The following RPS6KA2 variants were observed in gnomAD, a reference collection of about 807,000 sequenced individuals.
RPS6KA2 encodes ribosomal protein S6 kinase alpha-2.
RPS6KA2 carries 42 observed loss-of-function variants against 91.8 expected under a neutral mutation model. The observed-to-expected ratio is 0.46, with a 90% CI of 0.36 to 0.59. The LOEUF is 0.59. RPS6KA2 is among the 20% of genes least tolerant of loss of function. The pLI, the probability that RPS6KA2 is intolerant of heterozygous loss-of-function variation, is 0.00. For missense variants in RPS6KA2, 798 were observed against 978.5 expected (o/e 0.82, Z 2.46); for synonymous variants, 414 against 393.6 (o/e 1.05, Z -0.61).
intron 10 of RPS6KA2, among the ~76,000 whole-genome samples, chr6:166,481,275 T>C (rs1454054449): frequency 1.3e-5 from 2 of 152,390 alleles, no homozygotes; most frequent in Admixed American, 6.5e-5. Context: ...CAATTTTTAA[T>C]TAAGACTGAG....
rs1040161594 is a variant in RPS6KA2 at position 166,849,729 on chromosome 6, G to A, written c.123+8471C>T. ...GCGTCCTATGCATACTCAGTCCCAT[G>A]TGCCTGGCGCAGTGTGTGGCCTGAG... is the stretch of plus-strand genomic sequence containing the variant. On this transcript the variant is annotated intron_variant, in intron 2 of 21. Coordinates refer to the RPS6KA2 transcript ENST00000503859. The surrounding 1 kb of genome is among the most constrained non-coding windows in gnomAD (Gnocchi z 4.9). Among the ~76,000 whole-genome samples the A allele has an allele frequency of 4.6e-5, 7 of 152,246 alleles. No individual in the cohort carries two copies. The highest frequency in any genetic ancestry group is 1.0e-4 in the Non-Finnish European group (7 of 68,040).
chr6:166,502,632 G>T (rs547795868), intron 6 of RPS6KA2, among the ~76,000 whole-genome samples: 1 of 152,178 alleles, frequency 6.6e-6, no homozygotes, highest in Non-Finnish European at 1.5e-5. Flanking sequence ...ACGGCACTCC[G>T]ACTTGGAGGG....
chr6:166,719,450 G>A (rs1325122060), intron 2 of RPS6KA2, among the ~76,000 whole-genome samples: 1 of 152,194 alleles, frequency 6.6e-6, no homozygotes, highest in South Asian at 2.1e-4. Context: ...ATATCAATGA[G>A]AGCTTTAAAT....
chr6:166,693,880 T>C (rs975866886), intron 2 of RPS6KA2, among the ~76,000 whole-genome samples: 1 of 152,232 alleles, frequency 6.6e-6, no homozygotes, highest in African/African-American at 2.4e-5. Flanking sequence ...AGGTTACTCC[T>C]GTGGTTTGCT....
chr6:166,672,100 T>C (rs1788488520), intron 2 of RPS6KA2, among the ~76,000 whole-genome samples: 1 of 152,164 alleles, frequency 6.6e-6, no homozygotes, highest in Non-Finnish European at 1.5e-5. Context: ...GTGTGTATAT[T>C]CTAAAGTCTA....
chr6:166,682,683 C>T (rs1031251514), intron 2 of RPS6KA2, among the ~76,000 whole-genome samples: 3 of 152,174 alleles, frequency 2.0e-5, no homozygotes, highest in Non-Finnish European at 4.4e-5. Context: ...ACAAAGAAAG[C>T]AAGGATTGCT....
chr6:166,680,459 G>A (rs1247907753), intron 2 of RPS6KA2, among the ~76,000 whole-genome samples: 1 of 152,158 alleles, frequency 6.6e-6, no homozygotes, highest in Non-Finnish European at 1.5e-5. Context: ...CTTCCACGTT[G>A]TGGAAGGTTT....
At chr6:166,637,119 T>C (rs1342070271) in intron 2 of RPS6KA2, among the ~76,000 whole-genome samples, 3 of 152,128 alleles carry the variant, frequency 2.0e-5, no homozygotes, top group South Asian at 4.1e-4. Flanking sequence ...GTGGGGCCCC[T>C]TGGGGAGTGC....
Position 166,849,490 on chromosome 6 carries a change from AAAG to A in RPS6KA2, c.123+8707_123+8709del, listed in dbSNP as rs906095689. 2.0e-5 allele frequency among the ~76,000 whole-genome samples: 3 copies of A among 152,196 alleles called. No individual in the cohort carries two copies. The highest frequency in any genetic ancestry group is 4.4e-5 in the Non-Finnish European group (3 of 68,038). ...CTCCCCAGACTTTGCCCGAAGAATA[AAAG>A]AAGAAGGGAGGGTGAGGTGGGGGCG... On this transcript the variant is annotated intron_variant, in intron 2 of 21. Coordinates refer to the RPS6KA2 transcript ENST00000503859. This position sits in a 1 kb window ranked among gnomAD's most constrained non-coding sequence, Gnocchi z 4.9.
rs1787338299 is a variant in RPS6KA2, at chr6:166,639,025, C to G, written c.124-100241G>C. Among the ~76,000 whole-genome samples the G allele has an allele frequency of 6.6e-6, 1 of 152,192 alleles. No individual in the cohort carries two copies. The highest frequency in any genetic ancestry group is 1.5e-5 in the Non-Finnish European group (1 of 68,042). ...AACCCTGTTCTCACCAGGTCGTCACCTATGCAAACAGCAATTTCATGCAGT... is the reference window on the plus strand; with the variant it reads ...AACCCTGTTCTCACCAGGTCGTCACGTATGCAAACAGCAATTTCATGCAGT... On this transcript the variant is annotated intron_variant, in intron 2 of 21. Transcript: ENST00000503859. The surrounding 1 kb of genome is among the most constrained non-coding windows in gnomAD (Gnocchi z 4.2).
chr6:166,680,455 CGTTGTGGA>C (rs1788760078), intron 2 of RPS6KA2, among the ~76,000 whole-genome samples: 1 of 152,112 alleles, frequency 6.6e-6, no homozygotes, highest in Non-Finnish European at 1.5e-5. Flanking sequence ...TCCCCTTCCA[CGTTGTGGA>C]AGGTTTGTTT....
chr6:166,731,134 C>T (rs1038410331), intron 2 of RPS6KA2, among the ~76,000 whole-genome samples: 1 of 151,988 alleles, frequency 6.6e-6, no homozygotes, highest in African/African-American at 2.4e-5. Flanking sequence ...CCCAGCTACT[C>T]GGGAGGTTGG....
chr6:166,604,611 T>C (rs546460917), intron 1 of RPS6KA2, among the ~76,000 whole-genome samples: 28 of 152,316 alleles, frequency 1.8e-4, no homozygotes, highest in African/African-American at 6.0e-4. Context: ...ATCAGAGTTT[T>C]TAAAAGTCCT....
chr6:166,657,703 G>A (rs1463943965), intron 2 of RPS6KA2, among the ~76,000 whole-genome samples: 2 of 152,214 alleles, frequency 1.3e-5, no homozygotes, highest in Non-Finnish European at 2.9e-5. Context: ...GGAGAAGAAC[G>A]GGAAGAGGCT....
rs115399311 is a variant in RPS6KA2 at position 166,770,165 on chromosome 6, C to A, written c.123+88035G>T. ...ATGATCAATCCCATGGTGTCACAAC[C>A]ACATGTGGCGTGACTACCGACTTAC... On this transcript the variant is annotated intron_variant, in intron 2 of 21. Coordinates refer to the RPS6KA2 transcript ENST00000503859. This position sits in a 1 kb window ranked among gnomAD's most constrained non-coding sequence, Gnocchi z 5.1. Among the ~76,000 whole-genome samples, 2 of 152,320 alleles carry A rather than the reference C, an allele frequency of 1.3e-5. No individual in the cohort carries two copies. The highest frequency in any genetic ancestry group is 4.8e-5 in the African/African-American group (2 of 41,570).
intron 1 of RPS6KA2, among the ~76,000 whole-genome samples, chr6:166,552,531 GT>G (rs3839530): frequency 0.029 from 4,302 of 150,232 alleles, 155 homozygotes; most frequent in East Asian, 0.093. Context: ...TATTATAAAA[GT>G]TTTTTTTTTA....
intron 2 of RPS6KA2, among the ~76,000 whole-genome samples, chr6:166,642,494 T>C (rs1367678272): frequency 6.6e-6 from 1 of 152,230 alleles, no homozygotes; most frequent in African/African-American, 2.4e-5. Context: ...TATTTAAAAA[T>C]AGCATATACG....
At chr6:166,704,732 C>G (rs1447796930) in intron 2 of RPS6KA2, among the ~76,000 whole-genome samples, 1 of 152,176 alleles carries the variant, frequency 6.6e-6, no homozygotes, top group Non-Finnish European at 1.5e-5. Flanking sequence ...TCCTCGCTGG[C>G]GTCACTGCAT....
intron 2 of RPS6KA2, 65 bp downstream of exon 2, chr6:166,538,603 G>A (rs1783555483): frequency 1.1e-6 from 1 of 886,056 alleles, no homozygotes; most frequent in South Asian, 1.4e-5. Flanking sequence ...CATCCAGGGG[G>A]GCTCTGTCCA....
Sources: gnomAD v4.1 joint callset for allele counts (sites outside exome capture counted in the v4.1 genomes callset) on GRCh38, gnomAD v4.1.1 for gene constraint, Gnocchi (gnomAD v3.1) non-coding constraint, MANE v1.5 for transcripts, NCBI Gene and HGNC (gene_info 2026-07-23, HGNC 2026-07-21) for gene names.